Variants in POLD3 observed in about 807,000 individuals in gnomAD.
POLD3 encodes the protein DNA polymerase delta 3, accessory subunit.
Under a neutral mutation model 58.2 loss-of-function variants are expected in POLD3, and 19 were observed. That is an observed-to-expected ratio of 0.33 (90% CI 0.23 to 0.48). The LOEUF is 0.48. Among genes scored for constraint, POLD3 ranks in the 20% least tolerant of loss-of-function variants. The probability of loss-of-function intolerance (pLI) is 0.99; values close to 1 mark genes in which losing one functional copy is unlikely to be tolerated. For synonymous variants in POLD3, 172 were observed against 193.5 expected, an observed-to-expected ratio of 0.89 and a Z score of 0.92; for missense variants, 504 against 545.5, an observed-to-expected ratio of 0.92 and a Z score of 0.76.
chr11:74,654,578 T>C (rs2033109458), intron 4 of POLD3, among the ~76,000 whole-genome samples: 1 of 152,136 alleles, frequency 6.6e-6, no homozygotes, highest in East Asian at 1.9e-4. Context: ...TGAGAAGCAT[T>C]TATTCGTGAA....
chr11:74,631,728 C>T (rs575124914), intron 9 of POLD3, among the ~76,000 whole-genome samples: 12 of 152,140 alleles, frequency 7.9e-5, no homozygotes, highest in Non-Finnish European at 1.0e-4. Flanking sequence ...GTGATCCACC[C>T]GCCTCGGCCT....
Position 74,630,503 on chromosome 11 carries a change from A to G in POLD3, c.1006+1180A>G, listed in dbSNP as rs565275781. On this transcript the variant is annotated intron_variant, in intron 9 of 11. Coordinates refer to ENST00000263681, the MANE Select transcript of POLD3 (RefSeq NM_006591.3). ...GAATTACAGCCTGTGATATCCTGTG[A>G]GAGGTACAATGTCCTTCCGTGGGTT... Among the ~76,000 whole-genome samples, 283 of 152,294 alleles carry G rather than the reference A, an allele frequency of 1.9e-3. 1 individual carries two copies. The highest frequency in any genetic ancestry group is 6.5e-3 in the African/African-American group (269 of 41,568).
chr11:74,634,633 C>T lies in POLD3; in HGVS notation c.1057C>T (p.Pro353Ser), dbSNP rs757863186. The T allele has an allele frequency of 3.1e-6, 5 of 1,613,546 alleles. No individual in the cohort carries two copies. In the Admixed American group the frequency reaches 6.7e-5, roughly 22 times the overall value. ...TGAAGCTGAGTCACCATCCCCACCTCCTCCTCCGTCTCCACCTCTTGAACC... is the reference window on the plus strand; with the variant it reads ...TGAAGCTGAGTCACCATCCCCACCTTCTCCTCCGTCTCCACCTCTTGAACC... ...AYEAESPSPP[P>S]PPSPPLEPVP... The change falls in exon 10 of 12, where the codon CCT becomes TCT. Residue 353 changes from proline to serine, a missense_variant. Coordinates refer to ENST00000263681, the MANE Select transcript of POLD3 (RefSeq NM_006591.3).
At position 74,610,898 on chromosome 11, in the gene POLD3, CT is replaced by C. The variant is rs1268221734; in HGVS notation, c.220-600del. Among the ~76,000 whole-genome samples the C allele has an allele frequency of 3.3e-5, 5 of 152,216 alleles. 1 individual carries two copies. The South Asian group carries it at 6.2e-4, about 19-fold the overall frequency. On this transcript the variant is annotated intron_variant, in intron 3 of 11. Transcript: ENST00000263681. The stretch of plus-strand genomic sequence containing the variant: ...CAAGTGATTGTCCTACCTCACCCCC[CT>C]GAGTAGCTGGGATTACAGGTGCCTG...
chr11:74,668,705 G>A, intron 4 of POLD3: 1 of 1,086,532 alleles, frequency 9.2e-7, no homozygotes, highest in Non-Finnish European at 1.2e-6. Flanking sequence ...GAGGGAGAAT[G>A]GGGTTAGGGG....
In POLD3 at chr11:74,611,479, AAAGT is replaced by A; in HGVS notation, c.220-19_220-16del. On this transcript the variant is annotated splice_polypyrimidine_tract_variant and intron_variant, in intron 3 of 11. Coordinates refer to ENST00000263681, the MANE Select transcript of POLD3 (RefSeq NM_006591.3). ...GCAGATTCTTACATTAAGCACTAATAAAGTGTTATTTTCTTACAGTGCCACAAGG... is the reference window on the plus strand; with the variant it reads ...GCAGATTCTTACATTAAGCACTAATAGTTATTTTCTTACAGTGCCACAAGG... The A allele has an allele frequency of 2.7e-6, 4 of 1,469,402 alleles. No individual in the cohort carries two copies. Among genetic ancestry groups the A allele is most frequent in the Non-Finnish European group, 2.8e-6 (3 of 1,057,156 alleles). The allele number at this position is 1,469,402 out of a possible 1,614,324, so 91.0% of individuals were successfully genotyped here. A position where few individuals can be genotyped will look rare whatever the true frequency, so the allele number is the denominator to read the frequency against.
chr11:74,662,778 G>A (rs988298586), intron 4 of POLD3, among the ~76,000 whole-genome samples: 2 of 152,162 alleles, frequency 1.3e-5, no homozygotes, highest in African/African-American at 4.8e-5. Flanking sequence ...TTGTGGCACA[G>A]ACTGCCTTTC....
intron 7 of POLD3, among the ~76,000 whole-genome samples, chr11:74,623,425 ACT>A (rs2032327890): frequency 6.6e-6 from 1 of 152,146 alleles, no homozygotes; most frequent in African/African-American, 2.4e-5. Context: ...ACAGAGAAAG[ACT>A]CTGTCTCAAA....
chr11:74,624,687 C>T (rs902897780), intron 7 of POLD3, among the ~76,000 whole-genome samples: 7 of 152,138 alleles, frequency 4.6e-5, no homozygotes, highest in Non-Finnish European at 1.0e-4. Context: ...TTTCTTAGTT[C>T]TCCCTGCTGC....
intron 3 of POLD3, 84 bp from the exon 4 acceptor site, chr11:74,611,415 C>T: frequency 1.2e-6 from 1 of 801,340 alleles, no homozygotes; most frequent in South Asian, 1.5e-5. Flanking sequence ...ATTTCACATC[C>T]AAGCACAATT....
At chr11:74,611,707 C>T (rs1183911343) in intron 4 of POLD3, among the ~76,000 whole-genome samples, 169 bp downstream of exon 4, 1 of 152,216 alleles carries the variant, frequency 6.6e-6, no homozygotes, top group East Asian at 1.9e-4. Flanking sequence ...GATACTACAT[C>T]TGCCTGACTT....
chr11:74,637,435 C>CTTTTTTTTTTTTTTTTTTTCTT (rs5792663), intron 11 of POLD3, among the ~76,000 whole-genome samples: 2 of 115,468 alleles, frequency 1.7e-5, no homozygotes, highest in Admixed American at 9.9e-5. Flanking sequence ...CTTTTTCTTC[C>CTTTTTTTTTTTTTTTTTTTCTT]TTTTTTTTTT....
Position 74,640,589 on chromosome 11 carries a change from A to C in POLD3, c.1224A>C (p.Glu408Asp). Residue 408 changes from glutamate (E) to aspartate (D), a missense_variant, in exon 12 of 12, where the codon GAA (glutamate) becomes GAC (aspartate). Coordinates refer to ENST00000263681, the MANE Select transcript of POLD3 (RefSeq NM_006591.3). ...CIVTEKVYESESCTDSEEELN... is the reference protein window; with the variant it reads ...CIVTEKVYESDSCTDSEEELN... ...TGACTGAAAAAGTCTACGAGAGTGA[A>C]TCCTGCACAGATAGTGAAGAGGAGC... 6.3e-7 allele frequency: 1 copy of C among 1,594,562 alleles called. No homozygotes were observed. The highest frequency in any genetic ancestry group is 8.5e-7 in the Non-Finnish European group (1 of 1,171,892).
Position 74,642,585 on chromosome 11 carries a change from T to C in POLD3, c.*1819T>C. On this transcript the variant is annotated 3_prime_UTR_variant, in exon 12 of 12. Transcript: ENST00000263681. ...CTTGCAAGGGATAATACAAATCCTA[T>C]GATCTCTATGCCCAATATGCTGCCT... The C allele has an allele frequency of 1.0e-6, 1 of 985,332 alleles. No individual in the cohort carries two copies. The highest frequency in any genetic ancestry group is 4.7e-5 in the South Asian group (1 of 21,284). 61.0% of individuals were successfully genotyped at this position (985,332 alleles called of 1,614,324 possible).
At chr11:74,646,039 A>C (rs1565131853), downstream of POLD3, among the ~76,000 whole-genome samples, 1 of 151,968 alleles carries the variant, frequency 6.6e-6, no homozygotes, top group Non-Finnish European at 1.5e-5. Context: ...TCTAGGTTCA[A>C]GCGATTCTCT....
intron 3 of POLD3, among the ~76,000 whole-genome samples, chr11:74,605,761 G>T (rs901347323): frequency 1.3e-5 from 2 of 152,064 alleles, no homozygotes; most frequent in Non-Finnish European, 2.9e-5. Context: ...GTTTTTTAGC[G>T]ATTGAGTCCC....
chr11:74,666,391 C>T lies in POLD3; in HGVS notation c.370-2386C>T, dbSNP rs190650478. On this transcript the variant is annotated intron_variant, in intron 4 of 4. Coordinates refer to the POLD3 transcript ENST00000524752. ...ATCCCAGCACTTTGGGAGGCCGAGGCAGGTGGATCACCTGAGGTCAGGAGT... is the reference window on the plus strand; with the variant it reads ...ATCCCAGCACTTTGGGAGGCCGAGGTAGGTGGATCACCTGAGGTCAGGAGT... 4.4e-3 allele frequency among the ~76,000 whole-genome samples: 664 copies of T among 152,238 alleles called. 5 individuals are homozygous for T. Among genetic ancestry groups the T allele is most frequent in the African/African-American group, 0.015 (636 of 41,546 alleles).
intron 3 of POLD3, among the ~76,000 whole-genome samples, chr11:74,607,252 T>A (rs55636340): frequency 0.41 from 59,386 of 144,460 alleles, 13,603 homozygotes; most frequent in African/African-American, 0.64. Context: ...ATATATTTAT[T>A]TATTTATTTA....
intron 7 of POLD3, among the ~76,000 whole-genome samples, chr11:74,622,815 C>G (rs968170393): frequency 6.6e-6 from 1 of 150,654 alleles, no homozygotes; most frequent in African/African-American, 2.4e-5. Flanking sequence ...ATAGAGTTTA[C>G]CCAGCAGTTC....
Sources: allele counts gnomAD v4.1 joint callset (sites outside exome capture counted in the v4.1 genomes callset), GRCh38; gene constraint gnomAD v4.1.1; transcripts MANE v1.5; gene names NCBI Gene and HGNC (gene_info 2026-07-23, HGNC 2026-07-21).